The following TRHR variants were observed in gnomAD, a reference collection of about 807,000 sequenced individuals.
The protein encoded by TRHR is thyrotropin-releasing hormone receptor.
TRHR carries 14 observed loss-of-function variants against 28.0 expected under a neutral mutation model. The observed-to-expected ratio is 0.50, with a 90% CI of 0.33 to 0.78. TRHR has a LOEUF of 0.78. Ranked by LOEUF, TRHR falls within the 30% of genes least tolerant of loss-of-function variation. The pLI is 0.02. For missense variants in TRHR, 438 were observed against 469.5 expected, an observed-to-expected ratio of 0.93 and a Z score of 0.62; for synonymous variants, 176 against 171.9, an observed-to-expected ratio of 1.02 and a Z score of -0.18.
In TRHR at chr8:109,096,555, G is replaced by A. The variant is rs144075615; in HGVS notation, c.789+8254G>A. On this transcript the variant is annotated intron_variant, in intron 2 of 2. Transcript: ENST00000518632. ...CCAAAGTGTACACACTCAGTGGTGTGTAGCTGCCAAGGAGTACAGGCTTTG... is the reference window on the plus strand; with the variant it reads ...CCAAAGTGTACACACTCAGTGGTGTATAGCTGCCAAGGAGTACAGGCTTTG... Among the ~76,000 whole-genome samples the A allele has an allele frequency of 2.0e-3, 299 of 152,290 alleles. 5 individuals carry two copies. In the East Asian group the frequency reaches 0.051, roughly 26 times the overall value.
chr8:109,118,194 C>T (rs982859559), intron 2 of TRHR, among the ~76,000 whole-genome samples: 1 of 151,958 alleles, frequency 6.6e-6, no homozygotes, highest in African/African-American at 2.4e-5. Context: ...TTAACAGCCT[C>T]TGTACCTGTT....
At chr8:109,095,547 G>A (rs1002520165) in intron 2 of TRHR, among the ~76,000 whole-genome samples, 8 of 152,004 alleles carry the variant, frequency 5.3e-5, no homozygotes, top group African/African-American at 1.2e-4. Context: ...CCTAATTCCC[G>A]CCTCTCCTCC....
chr8:109,113,394 T>C (rs1811869185), intron 2 of TRHR, among the ~76,000 whole-genome samples: 1 of 152,198 alleles, frequency 6.6e-6, no homozygotes, highest in African/African-American at 2.4e-5. Flanking sequence ...AACCTCAACT[T>C]AAAGTGCATT....
At chr8:109,105,809 C>A in intron 2 of TRHR, among the ~76,000 whole-genome samples, 1 of 152,078 alleles carries the variant, frequency 6.6e-6, no homozygotes, top group East Asian at 1.9e-4. Context: ...ATTTATTGAC[C>A]ATGGCTGCTT....
At chr8:109,093,400 CTTTT>C (rs34645119) in intron 2 of TRHR, among the ~76,000 whole-genome samples, 3 of 77,394 alleles carry the variant, frequency 3.9e-5, no homozygotes, top group Non-Finnish European at 6.8e-5. Flanking sequence ...GTGCTATTTA[CTTTT>C]TTTTTTTTTT....
chr8:109,088,277 C>T lies in TRHR; in HGVS notation c.765C>T (p.Asn255=). The change falls in exon 2 of 3, where the codon AAC becomes AAT. Residue 255 remains asparagine, a synonymous_variant. Coordinates refer to ENST00000518632, the MANE Select transcript of TRHR (RefSeq NM_003301.7). ...TAAATACCTCTAATAGATGTTTCAA[C>T]AGCACAGTATCTTCAAGGAAGCAGG... ...LNVNTSNRCF[N]STVSSRKQVT... is the part of the protein sequence containing the mutation. The T allele has an allele frequency of 3.1e-6, 5 of 1,613,852 alleles. No homozygotes were observed. The highest frequency in any genetic ancestry group is 1.1e-5 in the South Asian group (1 of 91,050).
At chr8:109,098,718 T>G (rs528619604) in intron 2 of TRHR, among the ~76,000 whole-genome samples, 13 of 152,290 alleles carry the variant, frequency 8.5e-5, no homozygotes, top group Non-Finnish European at 1.6e-4. Context: ...CAAGCCAGCA[T>G]GCAGACTCCT....
Position 109,119,600 on chromosome 8 carries a change from C to A in TRHR, c.*145C>A. The A allele has an allele frequency of 2.2e-6, 2 of 918,470 alleles. No individual in the cohort carries two copies. Among genetic ancestry groups the A allele is most frequent in the Non-Finnish European group, 3.3e-6 (2 of 610,408 alleles). 56.9% of individuals were successfully genotyped at this position (918,470 alleles called of 1,614,324 possible). On this transcript the variant is annotated 3_prime_UTR_variant, in exon 3 of 3. Transcript: ENST00000518632. Reference sequence around the variant, plus strand: ...CTCTAACAAATTCTGGCCCTAGATACTTTAACCCATGAGGATGATTCAGAC... The same window carrying A: ...CTCTAACAAATTCTGGCCCTAGATAATTTAACCCATGAGGATGATTCAGAC...
chr8:109,118,998 G>T (rs1282444248), intron 2 of TRHR, 50 bp from the exon 3 acceptor site: 1 of 1,610,090 alleles, frequency 6.2e-7, no homozygotes, highest in South Asian at 1.1e-5. Context: ...AGGGGGTTTT[G>T]TTTTGTTTTC....
chr8:109,102,611 T>G (rs1331420675), intron 2 of TRHR, among the ~76,000 whole-genome samples: 1 of 151,962 alleles, frequency 6.6e-6, no homozygotes, highest in South Asian at 2.1e-4. Context: ...AAGTTGTGAG[T>G]TTAGCAAGTT....
intron 2 of TRHR, among the ~76,000 whole-genome samples, chr8:109,117,419 G>C (rs1443197810): frequency 1.3e-5 from 2 of 151,850 alleles, no homozygotes; most frequent in African/African-American, 2.4e-5. Flanking sequence ...ATAAGATAAT[G>C]TTTATATGGC....
In TRHR at chr8:109,121,437, G is replaced by C. The variant is rs1812005679; in HGVS notation, c.*1982G>C. 6.6e-6 allele frequency among the ~76,000 whole-genome samples: 1 copy of C among 151,588 alleles called. No individual in the cohort carries two copies. The highest frequency in any genetic ancestry group is 2.1e-4 in the South Asian group (1 of 4,822). ...GCATCGACTATGTCTCAGGTATGCT[G>C]GTAGGTAGTCAATCAACATTATCTT... On this transcript the variant is annotated 3_prime_UTR_variant, in exon 3 of 3. Coordinates refer to ENST00000518632, the MANE Select transcript of TRHR (RefSeq NM_003301.7).
intron 2 of TRHR, among the ~76,000 whole-genome samples, chr8:109,106,264 G>A (rs1811750044): frequency 1.3e-5 from 2 of 152,140 alleles, no homozygotes; most frequent in Admixed American, 1.3e-4. Flanking sequence ...AACTTCATGA[G>A]TGAAGGAGGA....
chr8:109,087,609 C>CTCA lies in TRHR; in HGVS notation c.99_101dup (p.Ile35dup). 6.2e-7 allele frequency: 1 copy of CTCA among 1,614,186 alleles called. No homozygotes were observed. The highest frequency in any genetic ancestry group is 1.1e-5 in the South Asian group (1 of 91,086). On this transcript the variant is annotated inframe_insertion, in exon 2 of 3. Coordinates refer to ENST00000518632, the MANE Select transcript of TRHR (RefSeq NM_003301.7). ...CCAGGTGGTCACCATCTTACTTGTACTCATTATTTGTGGCCTGGGCATTGT... is the reference window on the plus strand; with the variant it reads ...CCAGGTGGTCACCATCTTACTTGTACTCATCATTATTTGTGGCCTGGGCATTGT...
chr8:109,093,571 A>G (rs1242625986), intron 2 of TRHR, among the ~76,000 whole-genome samples: 1 of 151,018 alleles, frequency 6.6e-6, no homozygotes, highest in Admixed American at 6.6e-5. Context: ...ATGGCCAGCT[A>G]ATTTTTGTTT....
At chr8:109,099,859 C>G (rs117714540) in intron 2 of TRHR, among the ~76,000 whole-genome samples, 1 of 152,044 alleles carries the variant, frequency 6.6e-6, no homozygotes, top group Non-Finnish European at 1.5e-5. Context: ...CATTCTGGGC[C>G]TTTGTTGTTT....
chr8:109,118,320 T>C (rs1315902605), intron 2 of TRHR, among the ~76,000 whole-genome samples: 1 of 151,956 alleles, frequency 6.6e-6, no homozygotes, highest in Admixed American at 6.6e-5. Flanking sequence ...TCACTAAACA[T>C]TCAATAAACA....
chr8:109,114,677 A>G (rs1251650975), intron 2 of TRHR, among the ~76,000 whole-genome samples: 2 of 152,084 alleles, frequency 1.3e-5, no homozygotes, highest in Non-Finnish European at 2.9e-5. Context: ...ACACATACTT[A>G]ATCTCTGCAA....
Position 109,120,434 on chromosome 8 carries a change from A to G in TRHR, c.*979A>G, listed in dbSNP as rs1003220234. ...AAACATTCTTAAAAGCTTTGTTGTT[A>G]TTCTAAGTCAGCCAAAATCCTGGTA... On this transcript the variant is annotated 3_prime_UTR_variant, in exon 3 of 3. Transcript: ENST00000518632. 6.6e-6 allele frequency among the ~76,000 whole-genome samples: 1 copy of G among 151,778 alleles called. No individual in the cohort carries two copies. Among genetic ancestry groups the G allele is most frequent in the African/African-American group, 2.4e-5 (1 of 41,370 alleles).
Sources: allele counts gnomAD v4.1 joint callset (sites outside exome capture counted in the v4.1 genomes callset), GRCh38; gene constraint gnomAD v4.1.1; transcripts MANE v1.5; gene names NCBI Gene and HGNC (gene_info 2026-07-23, HGNC 2026-07-21).